Variants in CDK17 observed in about 807,000 individuals in gnomAD.
CDK17 encodes cyclin-dependent kinase 17.
A neutral mutation model predicts 77.6 loss-of-function variants in CDK17; 24 were observed. The ratio of observed to expected loss-of-function variants is 0.31; its 90% CI spans 0.22 to 0.44. CDK17 has a LOEUF of 0.44. Among genes scored for constraint, CDK17 ranks in the 20% least tolerant of loss-of-function variants. The pLI is 1.00. For missense variants in CDK17, 429 were observed against 622.5 expected (o/e 0.69, Z 3.31); for synonymous variants, 203 against 210.4 (o/e 0.96, Z 0.30).
chr12:96,341,881 A>G (rs1235997453), intron 1 of CDK17, among the ~76,000 whole-genome samples: 1 of 152,220 alleles, frequency 6.6e-6, no homozygotes, highest in Non-Finnish European at 1.5e-5. Context: ...ACTCTAATAT[A>G]AAAGGACTTA....
intron 1 of CDK17, among the ~76,000 whole-genome samples, chr12:96,368,887 T>TTCTTTAAAGAAACAGTTTGAATATAAAA (rs2137204000): frequency 7.0e-6 from 1 of 142,860 alleles, no homozygotes; most frequent in South Asian, 2.3e-4. Context: ...CTACAAAGTC[T>TTCTTTAAAGAAACAGTTTGAATATAAAA]TCTTTAAAGA....
intron 1 of CDK17, among the ~76,000 whole-genome samples, chr12:96,391,086 C>CA (rs72094136): frequency 0.45 from 64,453 of 142,594 alleles, 15,098 homozygotes; most frequent in African/African-American, 0.62. Context: ...GACTCCATCT[C>CA]AAAAAAAAAA....
At position 96,280,818 on chromosome 12, in the gene CDK17, A is replaced by G. The variant is rs914150230; in HGVS notation, c.1524T>C (p.Tyr508=). Residue 508 remains tyrosine (Y), a synonymous_variant, in exon 16 of 17, where the codon TAT becomes TAC. Transcript: ENST00000261211. ...QKDPGFRNSS[Y]PETGHGKNRR... is the part of the protein sequence containing the mutation. ...TTATGACAAACACACCTGTCTCTGG[A>G]TAAGAAGAATTTCGAAAACCCGGGT... The G allele has an allele frequency of 5.0e-6, 8 of 1,613,890 alleles. No individual in the cohort carries two copies. In the Admixed American group the frequency reaches 8.3e-5, roughly 17 times the overall value.
chr12:96,399,480 A>G (rs1954224127), intron 1 of CDK17: 1 of 151,666 alleles, frequency 6.6e-6, no homozygotes, highest in South Asian at 2.1e-4. Context: ...CAGCGTCTCC[A>G]AGGAGCTGCA....
intron 1 of CDK17, among the ~76,000 whole-genome samples, chr12:96,373,349 T>G (rs112880480): frequency 5.3e-5 from 8 of 152,116 alleles, no homozygotes; most frequent in African/African-American, 1.9e-4. Context: ...TCCCAGCACT[T>G]TGGGAGGCCT....
At chr12:96,309,961 C>T (rs973541702) in intron 5 of CDK17, among the ~76,000 whole-genome samples, 9 of 152,108 alleles carry the variant, frequency 5.9e-5, no homozygotes, top group Non-Finnish European at 1.3e-4. Context: ...TATAATGCAA[C>T]AATTCCACTC....
At chr12:96,356,839 A>G (rs912987961) in intron 1 of CDK17, among the ~76,000 whole-genome samples, 8 of 152,248 alleles carry the variant, frequency 5.3e-5, no homozygotes, top group African/African-American at 1.9e-4. Flanking sequence ...TATTTTCTTT[A>G]AACATATTTT....
intron 11 of CDK17, among the ~76,000 whole-genome samples, chr12:96,288,791 AATG>A (rs1220119198): frequency 2.0e-5 from 3 of 152,192 alleles, no homozygotes; most frequent in African/African-American, 7.2e-5. Flanking sequence ...ATGATGATAA[AATG>A]ATAATTTTGT....
intron 1 of CDK17, among the ~76,000 whole-genome samples, chr12:96,379,748 A>G (rs1385317039): frequency 6.6e-6 from 1 of 152,180 alleles, no homozygotes; most frequent in Non-Finnish European, 1.5e-5. Flanking sequence ...TACTATTTAT[A>G]TCTCTTATTT....
chr12:96,345,981 G>A (rs1350834498), intron 1 of CDK17, among the ~76,000 whole-genome samples: 1 of 152,164 alleles, frequency 6.6e-6, no homozygotes, highest in East Asian at 1.9e-4. Flanking sequence ...TCAATTAAAA[G>A]GCAGAGATTG....
chr12:96,313,570 T>C (rs1952670919), intron 3 of CDK17, 116 bp from the exon 4 acceptor site: 4 of 528,002 alleles, frequency 7.6e-6, no homozygotes, highest in Non-Finnish European at 9.1e-6. Context: ...TAAAAAGTCA[T>C]TTACATTCTG....
At chr12:96,331,795 T>C (rs1952973010) in intron 2 of CDK17, among the ~76,000 whole-genome samples, 1 of 152,104 alleles carries the variant, frequency 6.6e-6, no homozygotes, top group South Asian at 2.1e-4. Flanking sequence ...GGATCTAGAG[T>C]ATGCATGAGA....
At chr12:96,359,592 G>GT (rs1953462165) in intron 1 of CDK17, among the ~76,000 whole-genome samples, 1 of 152,116 alleles carries the variant, frequency 6.6e-6, no homozygotes, top group South Asian at 2.1e-4. Flanking sequence ...TTTCAAGTAG[G>GT]TAGCAATTCC....
At position 96,280,286 on chromosome 12, in the gene CDK17, T is replaced by C; in HGVS notation, c.1535-7A>G. On this transcript the variant is annotated splice_region_variant and splice_polypyrimidine_tract_variant and intron_variant, in intron 16 of 16. Coordinates refer to ENST00000261211, the MANE Select transcript of CDK17 (RefSeq NM_002595.5). Reference sequence around the variant, plus strand: ...CTTCTGTTCTTCCCATGTCCTAAAATATAAAGTCATTTTATGAGGCAGTTC... The same window carrying C: ...CTTCTGTTCTTCCCATGTCCTAAAACATAAAGTCATTTTATGAGGCAGTTC... The C allele has an allele frequency of 6.4e-7, 1 of 1,550,660 alleles. No homozygotes were observed. The highest frequency in any genetic ancestry group is 8.7e-7 in the Non-Finnish European group (1 of 1,146,436).
intron 3 of CDK17, among the ~76,000 whole-genome samples, chr12:96,317,139 C>G (rs932880078): frequency 2.0e-5 from 3 of 147,292 alleles, no homozygotes; most frequent in Admixed American, 6.8e-5. Flanking sequence ...AAAACCAAGG[C>G]TCGAGAACTA....
chr12:96,334,854 G>T lies in CDK17; in HGVS notation c.-18C>A. 7.7e-7 allele frequency: 1 copy of T among 1,293,876 alleles called. No homozygotes were observed. The highest frequency in any genetic ancestry group is 1.1e-6 in the Non-Finnish European group (1 of 890,462). The allele number at this position is 1,293,876 out of a possible 1,614,324, so 80.1% of individuals were successfully genotyped here. On this transcript the variant is annotated 5_prime_UTR_variant, in exon 2 of 17. Coordinates refer to ENST00000261211, the MANE Select transcript of CDK17 (RefSeq NM_002595.5). ...TTTTTCATCCTATCAATTGAATGTG[G>T]CTTGAAAAATCCTGAAAGAAAAGAA... is the stretch of plus-strand genomic sequence containing the variant.
At chr12:96,364,131 C>T (rs1212762673) in intron 1 of CDK17, among the ~76,000 whole-genome samples, 2 of 152,184 alleles carry the variant, frequency 1.3e-5, no homozygotes, top group African/African-American at 4.8e-5. Context: ...TATTCCACCA[C>T]TATATGGATA....
chr12:96,302,190 GAAGT>G (rs1382173600), intron 5 of CDK17, among the ~76,000 whole-genome samples: 1 of 151,910 alleles, frequency 6.6e-6, no homozygotes. Flanking sequence ...GCAAAATAAA[GAAGT>G]AAAACTACAA....
At chr12:96,334,394 T>TA (rs1217019042) in intron 2 of CDK17, among the ~76,000 whole-genome samples, 2 of 152,096 alleles carry the variant, frequency 1.3e-5, no homozygotes, top group East Asian at 1.9e-4. Flanking sequence ...GTTATAAGAA[T>TA]AAAAAAAATT....
Sources: gnomAD v4.1 joint callset for allele counts (sites outside exome capture counted in the v4.1 genomes callset) on GRCh38, gnomAD v4.1.1 for gene constraint, MANE v1.5 for transcripts, NCBI Gene and HGNC (gene_info 2026-07-23, HGNC 2026-07-21) for gene names.